The following RGS12 variants were observed in gnomAD, a reference collection of about 807,000 sequenced individuals.
The protein encoded by RGS12 is regulator of G-protein signaling 12.
RGS12 carries 66 observed loss-of-function variants against 120.1 expected under a neutral mutation model. The ratio of observed to expected loss-of-function variants is 0.55; its 90% CI spans 0.45 to 0.67. The LOEUF (loss-of-function observed/expected upper bound fraction) is 0.67. Among genes scored for constraint, RGS12 ranks in the 30% least tolerant of loss-of-function variants. The pLI, the probability that RGS12 is intolerant of heterozygous loss-of-function variation, is 0.00. For synonymous variants in RGS12, 827 were observed against 804.7 expected, an observed-to-expected ratio of 1.03 and a Z score of -0.47; for missense variants, 1,859 against 1,957.7, an observed-to-expected ratio of 0.95 and a Z score of 0.95.
At chr4:3,405,077 A>G (rs1275306084) in intron 4 of RGS12, among the ~76,000 whole-genome samples, 1 of 152,262 alleles carries the variant, frequency 6.6e-6, no homozygotes, top group Non-Finnish European at 1.5e-5. Context: ...ACTAACACAG[A>G]TAAATGGCTT....
intron 4 of RGS12, among the ~76,000 whole-genome samples, chr4:3,410,629 A>G (rs981163046): frequency 6.6e-6 from 1 of 152,208 alleles, no homozygotes; most frequent in Non-Finnish European, 1.5e-5. Flanking sequence ...CAATATAATC[A>G]GAGGGGTTGA....
At chr4:3,400,585 G>T (rs1220510982) in intron 4 of RGS12, among the ~76,000 whole-genome samples, 1 of 149,592 alleles carries the variant, frequency 6.7e-6, no homozygotes, top group Non-Finnish European at 1.5e-5. Context: ...TAGAATACAT[G>T]AATGTACTCT....
intron 13 of RGS12, 73 bp from the exon 14 acceptor site, chr4:3,425,391 G>A (rs564985964): frequency 1.9e-5 from 25 of 1,314,436 alleles, no homozygotes; most frequent in African/African-American, 2.9e-5. Context: ...TCATGCAGTC[G>A]GGTGGGATCA....
At chr4:3,332,262 C>T (rs993825874) in intron 2 of RGS12, among the ~76,000 whole-genome samples, 1 of 152,194 alleles carries the variant, frequency 6.6e-6, no homozygotes, top group Non-Finnish European at 1.5e-5. Flanking sequence ...GAGTTGGAAT[C>T]GGTGGCGGTG....
chr4:3,346,154 T>A (rs1713771335), intron 3 of RGS12, among the ~76,000 whole-genome samples: 1 of 152,226 alleles, frequency 6.6e-6, no homozygotes, highest in African/African-American at 2.4e-5. Context: ...ACGCAATGGA[T>A]AATTTAGAGC....
chr4:3,343,333 T>A (rs77460843), intron 3 of RGS12: 17,670 of 352,134 alleles, frequency 0.05, 1,034 homozygotes, highest in African/African-American at 0.19. Context: ...TCCCCACAAA[T>A]ACTCTACGAG....
In RGS12 at chr4:3,317,881, A is replaced by C; in HGVS notation, c.1711A>C (p.Thr571Pro). ...TDGWSSINCG[T>P]LPPPMSKIPA... ...TGGCTGGTCCAGCATCAACTGCGGC[A>C]CACTGCCCCCTCCTATGAGCAAGAT... Residue 571 changes from threonine to proline, a missense_variant, in exon 2 of 18, where the codon ACA (threonine) becomes CCA (proline). Around this residue, in one of 3 missense-constraint regions of RGS12, gnomAD observed 967 missense variants for 994.2 expected, o/e 0.97. Coordinates refer to ENST00000336727, the MANE Select transcript of RGS12 (RefSeq NM_001394154.1). 6.2e-7 allele frequency: 1 copy of C among 1,613,852 alleles called. No individual in the cohort carries two copies. The highest frequency in any genetic ancestry group is 8.5e-7 in the Non-Finnish European group (1 of 1,179,992).
intron 4 of RGS12, among the ~76,000 whole-genome samples, chr4:3,394,775 G>T (rs76016046): frequency 0.038 from 5,809 of 152,218 alleles, 351 homozygotes; most frequent in African/African-American, 0.13. Context: ...CCAAGAGACA[G>T]AACATTACCA....
At chr4:3,371,052 G>A (rs76463866) in intron 3 of RGS12, among the ~76,000 whole-genome samples, 2,727 of 152,282 alleles carry the variant, frequency 0.018, 68 homozygotes, top group African/African-American at 0.059. Flanking sequence ...GTAGAGAAGC[G>A]AAGGACAAAC....
At position 3,394,020 on chromosome 4, in the gene RGS12, C is replaced by T. The variant is rs191857735; in HGVS notation, c.2020+7583C>T. 6.9e-4 allele frequency among the ~76,000 whole-genome samples: 105 copies of T among 152,322 alleles called. 1 individual carries two copies. The highest frequency in any genetic ancestry group is 2.2e-3 in the African/African-American group (93 of 41,576). On this transcript the variant is annotated intron_variant, in intron 4 of 17. Transcript: ENST00000336727. ...GCTGCCCAGCCCAGGTTGGACTTGGCCTGGCTGGCTCCCTAGGTGAAGTGC... is the reference window on the plus strand; with the variant it reads ...GCTGCCCAGCCCAGGTTGGACTTGGTCTGGCTGGCTCCCTAGGTGAAGTGC...
chr4:3,340,772 C>T (rs948978810), intron 2 of RGS12, among the ~76,000 whole-genome samples: 1 of 152,012 alleles, frequency 6.6e-6, no homozygotes, highest in Non-Finnish European at 1.5e-5. Flanking sequence ...AGGTGCAGGC[C>T]GGTGCAGGCC....
At chr4:3,393,221 C>G (rs1005164664) in intron 4 of RGS12, among the ~76,000 whole-genome samples, 2 of 152,168 alleles carry the variant, frequency 1.3e-5, no homozygotes, top group Non-Finnish European at 2.9e-5. Context: ...GGGGACTCCT[C>G]TAAAAGCTGG....
rs1377419850 is a variant in RGS12, at chr4:3,416,848, C to G, written c.2428-65C>G. ...GGTTGCCTACAGGTCGCCAAGCAGC[C>G]TCGCGCCTGAGGCTGCATGTCTGGG... On this transcript the variant is annotated intron_variant, in intron 7 of 17. Coordinates refer to ENST00000336727, the MANE Select transcript of RGS12 (RefSeq NM_001394154.1). 9 of 1,486,826 alleles carry G rather than the reference C, an allele frequency of 6.1e-6. No individual in the cohort carries two copies. The African/African-American group carries it at 8.4e-5, about 14-fold the overall frequency. 92.1% of individuals were successfully genotyped at this position (1,486,826 alleles called of 1,614,324 possible).
chr4:3,301,871 A>G (rs1473198410), intron 1 of RGS12, among the ~76,000 whole-genome samples: 3 of 152,162 alleles, frequency 2.0e-5, no homozygotes, highest in African/African-American at 7.2e-5. Flanking sequence ...AGCCAGGTTT[A>G]AACACAGCCT....
In RGS12 at chr4:3,430,956, G is replaced by A. The variant is rs761090755; in HGVS notation, c.4114+1G>A. 1.2e-6 allele frequency: 2 copies of A among 1,612,114 alleles called. No individual in the cohort carries two copies. Among genetic ancestry groups the A allele is most frequent in the East Asian group, 2.2e-5 (1 of 44,878 alleles). On this transcript the variant is annotated splice_donor_variant, in intron 17 of 17. Coordinates refer to ENST00000336727, the MANE Select transcript of RGS12 (RefSeq NM_001394154.1). LOFTEE classifies it high-confidence loss of function. Reference sequence around the variant, plus strand: ...GAAGTGCCAGGACCTTCCAGACCAGGTACCTCCAGGTTCTGATCCCTCCAC... The same window carrying A: ...GAAGTGCCAGGACCTTCCAGACCAGATACCTCCAGGTTCTGATCCCTCCAC...
At chr4:3,287,213 A>C in the RGS12 span, among the ~76,000 whole-genome samples, 1 of 152,188 alleles carries the variant, frequency 6.6e-6, no homozygotes, top group South Asian at 2.1e-4. Flanking sequence ...TTCAAGGTGG[A>C]CTCGAAGAGC....
chr4:3,316,595 A>T lies in RGS12; in HGVS notation c.425A>T (p.Gln142Leu). 6.2e-7 allele frequency: 1 copy of T among 1,614,194 alleles called. No homozygotes were observed. ...GCAGAGCGAGTCGTGGAGGAAATGC[A>T]GTCTGGTGGAATTTTCAATATGATT... The part of the protein sequence containing the change: ...NRAERVVEEM[Q>L]SGGIFNMIFE... The change falls in exon 2 of 18, where the codon CAG becomes CTG. Residue 142 changes from glutamine (Q) to leucine (L), a missense_variant. Physicochemically the swap from Gln to Leu is moderately radical, Grantham distance 113. Around this residue, in one of 3 missense-constraint regions of RGS12, gnomAD observed 967 missense variants for 994.2 expected, o/e 0.97. Transcript: ENST00000336727.
At chr4:3,329,645 C>G (rs1038642325) in intron 2 of RGS12, among the ~76,000 whole-genome samples, 22 of 152,040 alleles carry the variant, frequency 1.4e-4, no homozygotes, top group African/African-American at 4.6e-4. Context: ...GACTGAAGCA[C>G]TAAAGAGCAG....
chr4:3,414,915 T>G, intron 6 of RGS12, 71 bp downstream of exon 6: 1 of 1,112,846 alleles, frequency 9.0e-7, no homozygotes, highest in Non-Finnish European at 1.4e-6. Context: ...GAGGGGTGTG[T>G]GAGAGGGCCA....
Sources: allele counts gnomAD v4.1 joint callset (sites outside exome capture counted in the v4.1 genomes callset), GRCh38; gene constraint gnomAD v4.1.1; regional missense constraint gnomAD v4.1.1; transcripts MANE v1.5; gene names NCBI Gene and HGNC (gene_info 2026-07-23, HGNC 2026-07-21).